The following HERC4 variants were observed in gnomAD, a reference collection of about 807,000 sequenced individuals.
HERC4 encodes the protein probable E3 ubiquitin-protein ligase HERC4.
HERC4 carries 28 observed loss-of-function variants against 124.3 expected under a neutral mutation model. The observed-to-expected ratio is 0.23, with a 90% CI of 0.17 to 0.31. The LOEUF (loss-of-function observed/expected upper bound fraction) is 0.31. Ranked by LOEUF, HERC4 falls within the 10% of genes least tolerant of loss-of-function variation. The pLI, the probability that HERC4 is intolerant of heterozygous loss-of-function variation, is 1.00. For synonymous variants in HERC4, 407 were observed against 421.5 expected (o/e 0.97, Z 0.42); for missense variants, 713 against 1,229.3 (o/e 0.58, Z 6.28).
At chr10:67,927,395 TATATATATATATATATATATATATATA>T (rs2031131179) in intron 23 of HERC4, among the ~76,000 whole-genome samples, 1 of 5,828 alleles carries the variant, frequency 1.7e-4, no homozygotes, top group African/African-American at 8.4e-4. Flanking sequence ...TATATATATA[TATATATATATATATATATATATATATA>T]TATATATATT....
chr10:67,959,289 C>A (rs1487201621), intron 16 of HERC4, among the ~76,000 whole-genome samples: 1 of 152,098 alleles, frequency 6.6e-6, no homozygotes, highest in African/African-American at 2.4e-5. Context: ...ATCAAATACA[C>A]CCCCTACACA....
intron 19 of HERC4, among the ~76,000 whole-genome samples, chr10:67,953,323 C>T (rs2033933785): frequency 6.6e-6 from 1 of 152,120 alleles, no homozygotes; most frequent in Admixed American, 6.5e-5. Flanking sequence ...ACTATATTAT[C>T]TGGCTGTCTA....
chr10:67,955,040 G>A lies in HERC4; in HGVS notation c.2116C>T (p.Arg706Cys), dbSNP rs1589170520. Residue 706 changes from arginine to cysteine, a missense_variant, in exon 18 of 25, where the codon CGT (arginine) becomes TGT (cysteine). Arg to Cys is a radical substitution (Grantham distance 180, BLOSUM62 -3). Coordinates refer to ENST00000373700, the MANE Select transcript of HERC4 (RefSeq NM_015601.4). Reference protein sequence around the residue: ...SVNPCLILVVRRENIVGDAME... With the variant: ...SVNPCLILVVCRENIVGDAME... ...GCATCTCCTACAATATTTTCTCTAC[G>A]CACCACTAGAATTAAGCAGGGATTC... 7 of 1,596,726 alleles carry A rather than the reference G, an allele frequency of 4.4e-6. No individual in the cohort carries two copies. Among genetic ancestry groups the A allele is most frequent in the Non-Finnish European group, 5.1e-6 (6 of 1,173,808 alleles).
intron 16 of HERC4, among the ~76,000 whole-genome samples, 170 bp from the exon 17 acceptor site, chr10:67,957,146 T>A (rs971643588): frequency 6.6e-6 from 1 of 152,222 alleles, no homozygotes; most frequent in Non-Finnish European, 1.5e-5. Flanking sequence ...AAATGAGGCA[T>A]TGGAATGAAC....
At chr10:67,993,357 AAAAG>A (rs910209679) in intron 9 of HERC4, 2 of 152,024 alleles carry the variant, frequency 1.3e-5, no homozygotes, top group Admixed American at 6.6e-5. Context: ...AAAAAAAAAA[AAAAG>A]AAAGAATTGA....
chr10:67,925,112 G>A lies in HERC4; in HGVS notation c.2914C>T (p.Pro972Ser). The A allele has an allele frequency of 6.3e-7, 1 of 1,596,784 alleles. No individual in the cohort carries two copies. Among genetic ancestry groups the A allele is most frequent in the South Asian group, 1.1e-5 (1 of 90,624 alleles). Residue 972 changes from proline to serine, a missense_variant, in exon 24 of 25, where the codon CCA becomes TCA. Coordinates refer to ENST00000373700, the MANE Select transcript of HERC4 (RefSeq NM_015601.4). ...KIFWEVFHELPLEKKKQFLLF... is the reference protein window; with the variant it reads ...KIFWEVFHELSLEKKKQFLLF... ...AGAAACTGTTTCTTCTTTTCCAATGGTAATTCGTGAAATACTTCCCAAAAA... is the reference window on the plus strand; with the variant it reads ...AGAAACTGTTTCTTCTTTTCCAATGATAATTCGTGAAATACTTCCCAAAAA...
Position 67,957,081 on chromosome 10 carries a change from CAT to C in HERC4, c.1927-107_1927-106del, listed in dbSNP as rs991459915. ...GGACTACATTCTTTGTTTATTCACT[CAT>C]GTGGTTCTGGAATTACAAATAAAAC... is the stretch of plus-strand genomic sequence containing the variant. On this transcript the variant is annotated intron_variant, in intron 16 of 24. Transcript: ENST00000373700. 2.9e-5 allele frequency: 17 copies of C among 590,252 alleles called. No homozygotes were observed. The Admixed American group carries it at 5.1e-4, about 18-fold the overall frequency. 36.6% of individuals were successfully genotyped at this position (590,252 alleles called of 1,614,324 possible).
chr10:67,992,863 G>T, intron 9 of HERC4, 181 bp from the exon 10 acceptor site: 1 of 490,806 alleles, frequency 2.0e-6, no homozygotes, highest in Non-Finnish European at 3.6e-6. Flanking sequence ...ACCAAATGAT[G>T]AACATTAAAC....
chr10:68,013,199 T>C (rs1378474815), intron 9 of HERC4, among the ~76,000 whole-genome samples: 1 of 152,248 alleles, frequency 6.6e-6, no homozygotes, highest in African/African-American at 2.4e-5. Flanking sequence ...ATACACAGTC[T>C]TTTAAGACAT....
chr10:67,991,242 TTTAA>T lies in HERC4; in HGVS notation c.1272-47_1272-44del, dbSNP rs762289338. ...GTTTTTTTAATCATAGAATCAGAAA[TTTAA>T]TTGTTTACCCTTTCTTAAAAAAGAA... On this transcript the variant is annotated intron_variant, in intron 11 of 24. Transcript: ENST00000373700. 2.0e-5 allele frequency: 22 copies of T among 1,111,116 alleles called. No homozygotes were observed. The African/African-American group carries it at 2.9e-4, about 15-fold the overall frequency. The allele number at this position is 1,111,116 out of a possible 1,614,324, so 68.8% of individuals were successfully genotyped here.
At position 67,978,912 on chromosome 10, in the gene HERC4, C is replaced by CT. The variant is rs564421274; in HGVS notation, c.1806+9750dup. ...TGAGTCTGCCAGAACCACAGCACTA[C>CT]TGGGTGTGGGGTGCCAACTAAAGCA... On this transcript the variant is annotated intron_variant, in intron 15 of 24. Transcript: ENST00000373700. Among the ~76,000 whole-genome samples the CT allele has an allele frequency of 1.6e-3, 244 of 152,332 alleles. 1 individual carries two copies. Among genetic ancestry groups the CT allele is most frequent in the Admixed American group, 9.2e-3 (140 of 15,294 alleles).
intron 8 of HERC4, 57 bp from the exon 9 acceptor site, chr10:68,014,243 T>A (rs1283915421): frequency 7.1e-7 from 1 of 1,398,846 alleles, no homozygotes; most frequent in African/African-American, 1.4e-5. Context: ...CAATTTACAA[T>A]GACAAAAGCA....
intron 5 of HERC4, among the ~76,000 whole-genome samples, chr10:68,037,531 T>C (rs2039541381): frequency 6.6e-6 from 1 of 152,206 alleles, no homozygotes; most frequent in South Asian, 2.1e-4. Context: ...ATATGATGTT[T>C]AGCCTTCTTT....
intron 4 of HERC4, chr10:68,039,670 C>G: frequency 7.3e-7 from 1 of 1,363,582 alleles, no homozygotes; most frequent in Non-Finnish European, 9.4e-7. Context: ...AATTTTCAAA[C>G]TCAACAAAAT....
chr10:68,006,116 T>C (rs1268319277), intron 9 of HERC4, among the ~76,000 whole-genome samples: 1 of 152,220 alleles, frequency 6.6e-6, no homozygotes, highest in Admixed American at 6.5e-5. Context: ...TCTATTTATA[T>C]CTTATTATAT....
At chr10:67,982,834 T>C (rs2036012609) in intron 15 of HERC4, among the ~76,000 whole-genome samples, 1 of 151,958 alleles carries the variant, frequency 6.6e-6, no homozygotes, top group African/African-American at 2.4e-5. Flanking sequence ...GACATAAAAA[T>C]ACCAAACAGG....
At chr10:67,977,502 G>A (rs1190457023) in intron 15 of HERC4, among the ~76,000 whole-genome samples, 4 of 152,070 alleles carry the variant, frequency 2.6e-5, no homozygotes, top group Non-Finnish European at 5.9e-5. Context: ...GCAGCTATGG[G>A]GCAAGACTCC....
intron 19 of HERC4, among the ~76,000 whole-genome samples, chr10:67,952,754 G>C (rs917101172): frequency 2.0e-4 from 31 of 151,758 alleles, no homozygotes; most frequent in African/African-American, 7.0e-4. Flanking sequence ...AAAAAAATTA[G>C]CCGGGCATGG....
In HERC4 at chr10:67,956,950, A is replaced by G. The variant is rs1297342456; in HGVS notation, c.1953T>C (p.Cys651=). ...GMLADIPVTI[C]TYPFVFDAQA... ...GGGCATCAAATACAAATGGATATGT[A>G]CAGATTGTAACAGGGATATCTGCCA... Residue 651 remains cysteine (C), a synonymous_variant, in exon 17 of 25, where the codon TGT becomes TGC. Transcript: ENST00000373700. 6.3e-7 allele frequency: 1 copy of G among 1,590,278 alleles called. No homozygotes were observed. The highest frequency in any genetic ancestry group is 8.6e-7 in the Non-Finnish European group (1 of 1,169,336).
Sources: gnomAD v4.1 joint callset for allele counts (sites outside exome capture counted in the v4.1 genomes callset) on GRCh38, gnomAD v4.1.1 for gene constraint, MANE v1.5 for transcripts, NCBI Gene and HGNC (gene_info 2026-07-23, HGNC 2026-07-21) for gene names.